DAGLA: variants seen among roughly 807,000 people sequenced by gnomAD.
DAGLA encodes diacylglycerol lipase-alpha.
DAGLA carries 22 observed loss-of-function variants against 102.6 expected under a neutral mutation model. That is an observed-to-expected ratio of 0.21 (90% confidence interval 0.15 to 0.31). DAGLA has a LOEUF of 0.31. Among genes scored for constraint, DAGLA ranks in the 10% least tolerant of loss-of-function variants. The probability of loss-of-function intolerance (pLI) is 1.00; values close to 1 mark genes in which losing one functional copy is unlikely to be tolerated. For missense variants in DAGLA, 927 were observed against 1,446.6 expected, an observed-to-expected ratio of 0.64 and a Z score of 5.83; for synonymous variants, 578 against 628.9, an observed-to-expected ratio of 0.92 and a Z score of 1.21.
chr11:61,682,299 A>G (rs1244629528), intron 1 of DAGLA, among the ~76,000 whole-genome samples: 3 of 152,192 alleles, frequency 2.0e-5, no homozygotes, highest in African/African-American at 7.2e-5. Flanking sequence ...AGTCTCATCA[A>G]GTAAAGAGAC....
At chr11:61,694,100 G>C (rs951009908) in intron 1 of DAGLA, among the ~76,000 whole-genome samples, 1 of 152,246 alleles carries the variant, frequency 6.6e-6, no homozygotes, top group East Asian at 1.9e-4. Context: ...TGGGGCAGAG[G>C]CCCAAAGCTG....
intron 3 of DAGLA, among the ~76,000 whole-genome samples, chr11:61,721,608 T>G (rs2065283662): frequency 6.6e-6 from 1 of 152,164 alleles, no homozygotes; most frequent in Non-Finnish European, 1.5e-5. Context: ...TTCCTTGTGA[T>G]CCTTCTCAAA....
At chr11:61,725,861 C>T (rs2065321220) in intron 5 of DAGLA, 134 bp from the exon 6 acceptor site, 1 of 797,028 alleles carries the variant, frequency 1.3e-6, no homozygotes, top group East Asian at 2.5e-5. Context: ...GGGCCCTGTT[C>T]TCCCCCAGAA....
At chr11:61,729,468 C>CACACAGCCCAGGGCCCAGT (rs1491242417) in intron 8 of DAGLA, among the ~76,000 whole-genome samples, 5 of 148,774 alleles carry the variant, frequency 3.4e-5, no homozygotes, top group East Asian at 1.9e-4. Context: ...CAGGGCCCAG[C>CACACAGCCCAGGGCCCAGT]ACACAGCCCA....
intron 1 of DAGLA, among the ~76,000 whole-genome samples, chr11:61,694,948 T>C (rs2065052657): frequency 6.6e-6 from 1 of 152,160 alleles, no homozygotes; most frequent in South Asian, 2.1e-4. Flanking sequence ...CCCAAACATG[T>C]GCACGTCTCC....
Position 61,695,659 on chromosome 11 carries a change from T to C in DAGLA, c.-45+15155T>C, listed in dbSNP as rs2135555087. Among the ~76,000 whole-genome samples the C allele has an allele frequency of 1.3e-5, 2 of 152,340 alleles. 1 individual carries two copies. The highest frequency in any genetic ancestry group is 6.8e-3 in the Middle Eastern group (2 of 294). ...GCTGTAAGGAGGCTTTGTGCCTGGC[T>C]TTCTGTTCTTCTTGGCTCCTCTTTG... On this transcript the variant is annotated intron_variant, in intron 1 of 19. Coordinates refer to ENST00000257215, the MANE Select transcript of DAGLA (RefSeq NM_006133.3).
rs570205607 is a variant in DAGLA, at chr11:61,701,476, C to G, written c.-44-18636C>G. ...TCTTCCTCTGGTCTCGTGGATTGTACGAACCTGGAGGAGGAAAGCAGCCGG... is the reference window on the plus strand; with the variant it reads ...TCTTCCTCTGGTCTCGTGGATTGTAGGAACCTGGAGGAGGAAAGCAGCCGG... On this transcript the variant is annotated intron_variant, in intron 1 of 19. Transcript: ENST00000257215. Among the ~76,000 whole-genome samples the G allele has an allele frequency of 4.6e-5, 7 of 152,330 alleles. No individual in the cohort carries two copies. In the South Asian group the frequency reaches 1.5e-3, roughly 32 times the overall value.
chr11:61,732,617 G>A (rs545934367), intron 9 of DAGLA, among the ~76,000 whole-genome samples: 11 of 152,314 alleles, frequency 7.2e-5, no homozygotes, highest in African/African-American at 2.6e-4. Flanking sequence ...CTGCAGACAG[G>A]AGGGGTGCTG....
At chr11:61,707,987 T>G (rs531236850) in intron 1 of DAGLA, among the ~76,000 whole-genome samples, 2 of 144,686 alleles carry the variant, frequency 1.4e-5, no homozygotes, top group African/African-American at 2.9e-5. Flanking sequence ...GGGAATTTAT[T>G]TATGTATTTA....
intron 1 of DAGLA, among the ~76,000 whole-genome samples, chr11:61,706,417 G>A (rs201537027): frequency 6.6e-6 from 1 of 152,156 alleles, no homozygotes; most frequent in African/African-American, 2.4e-5. Context: ...TGAACATGTC[G>A]AGGTGCAAGT....
chr11:61,696,821 G>A (rs961928242), intron 1 of DAGLA, among the ~76,000 whole-genome samples: 1 of 152,172 alleles, frequency 6.6e-6, no homozygotes, highest in Non-Finnish European at 1.5e-5. Context: ...GGGGGCTGGG[G>A]GAGGACTGAG....
At position 61,735,546 on chromosome 11, in the gene DAGLA, C is replaced by T. The variant is rs2065415772; in HGVS notation, c.1129-15C>T. On this transcript the variant is annotated splice_polypyrimidine_tract_variant and intron_variant, in intron 10 of 19. Coordinates refer to ENST00000257215, the MANE Select transcript of DAGLA (RefSeq NM_006133.3). ...CACCAGGGCCGCTCAGGCTCACGAGCTGCCCGCCTCCTAGGTCTATGAAAC... is the reference window on the plus strand; with the variant it reads ...CACCAGGGCCGCTCAGGCTCACGAGTTGCCCGCCTCCTAGGTCTATGAAAC... 2.5e-6 allele frequency: 4 copies of T among 1,613,148 alleles called. No individual in the cohort carries two copies. The highest frequency in any genetic ancestry group is 1.7e-4 in the Middle Eastern group (1 of 6,056).
At position 61,709,483 on chromosome 11, in the gene DAGLA, C is replaced by T. The variant is rs532611512; in HGVS notation, c.-44-10629C>T. The stretch of plus-strand genomic sequence containing the variant: ...ACTCCTGACCTCAGGTGATCCAGAG[C>T]AGCTGAAAGCTGCTGTGGTTGACAT... On this transcript the variant is annotated intron_variant, in intron 1 of 19. Transcript: ENST00000257215. 1.6e-4 allele frequency among the ~76,000 whole-genome samples: 25 copies of T among 152,330 alleles called. No individual in the cohort carries two copies. In the South Asian group the frequency reaches 4.8e-3, roughly 29 times the overall value.
rs368442690 is a variant in DAGLA at position 61,741,345 on chromosome 11, G to A, written c.2167G>A (p.Val723Ile). 3.9e-5 allele frequency: 62 copies of A among 1,605,598 alleles called. No individual in the cohort carries two copies. In the African/African-American group the frequency reaches 4.7e-4, roughly 12 times the overall value. Residue 723 changes from valine (V) to isoleucine (I), a missense_variant, in exon 19 of 20, where the codon GTC becomes ATC. Around this residue, in one of 4 missense-constraint regions of DAGLA, gnomAD observed 434 missense variants for 503.3 expected, o/e 0.86. Transcript: ENST00000257215. ...LPTADHRNSS[V>I]RSKSQSEMSL... ...GACTGCAGACCACCGCAACAGCAGC[G>A]TCAGGTGAGCCTTGGCCACTCCCAG...
intron 13 of DAGLA, among the ~76,000 whole-genome samples, 163 bp from the exon 14 acceptor site, chr11:61,737,019 T>G (rs886883340): frequency 6.6e-6 from 1 of 152,226 alleles, no homozygotes; most frequent in Non-Finnish European, 1.5e-5. Context: ...GCAGTCGCTC[T>G]GTGGGGCCCT....
intron 1 of DAGLA, among the ~76,000 whole-genome samples, chr11:61,691,387 C>G (rs1246344813): frequency 6.6e-6 from 1 of 152,236 alleles, no homozygotes; most frequent in Non-Finnish European, 1.5e-5. Context: ...CACAGCTATT[C>G]TCTGTCTCCT....
At chr11:61,711,740 C>T (rs141101566) in intron 1 of DAGLA, among the ~76,000 whole-genome samples, 84 of 152,302 alleles carry the variant, frequency 5.5e-4, no homozygotes, top group African/African-American at 1.8e-3. Flanking sequence ...AGCGTGAGAA[C>T]GAGTAGCTGG....
At chr11:61,705,715 C>T (rs72918076) in intron 1 of DAGLA, among the ~76,000 whole-genome samples, 4,010 of 152,330 alleles carry the variant, frequency 0.026, 77 homozygotes, top group Non-Finnish European at 0.042. Flanking sequence ...ATCCCTGGCA[C>T]ATAGTAGGCA....
chr11:61,705,566 A>G (rs1346961413), intron 1 of DAGLA, among the ~76,000 whole-genome samples: 1 of 152,166 alleles, frequency 6.6e-6, no homozygotes, highest in African/African-American at 2.4e-5. Flanking sequence ...TCCTAGTTCT[A>G]TAGGCAGCCT....
Sources: allele counts gnomAD v4.1 joint callset (sites outside exome capture counted in the v4.1 genomes callset), GRCh38; gene constraint gnomAD v4.1.1; regional missense constraint gnomAD v4.1.1; transcripts MANE v1.5; gene names NCBI Gene and HGNC (gene_info 2026-07-23, HGNC 2026-07-21).